Variants in ANK2 observed in about 807,000 individuals in gnomAD.
ANK2 encodes ankyrin-2.
In ANK2, 83 loss-of-function variants were observed where a neutral mutation model predicts 360.5. That is an observed-to-expected ratio of 0.23 (90% CI 0.19 to 0.28). ANK2 has a LOEUF of 0.28. ANK2 is among the 10% of genes least tolerant of loss of function. The pLI, the probability that ANK2 is intolerant of heterozygous loss-of-function variation, is 1.00. For missense variants in ANK2, 4,201 were observed against 4,795.7 expected (o/e 0.88, Z 3.66); for synonymous variants, 1,740 against 1,759.5 (o/e 0.99, Z 0.28).
chr4:113,159,191 C>CCACACACACA (rs57967546), intron 1 of ANK2, among the ~76,000 whole-genome samples: 2,838 of 141,972 alleles, frequency 0.02, 57 homozygotes, highest in Middle Eastern at 0.036. Context: ...CTCTTTCCTT[C>CCACACACACA]CACACACACA....
intron 2 of ANK2, among the ~76,000 whole-genome samples, chr4:112,956,855 G>A (rs968807047): frequency 1.3e-5 from 2 of 152,124 alleles, no homozygotes; most frequent in Admixed American, 1.3e-4. Flanking sequence ...AGAGAATGAA[G>A]TGGGTAAAGA....
chr4:113,328,895 T>G (rs540498910), intron 26 of ANK2, among the ~76,000 whole-genome samples: 32 of 152,374 alleles, frequency 2.1e-4, no homozygotes, highest in African/African-American at 7.5e-4. Context: ...CATAAATGTT[T>G]TGTGTTTATA....
At position 112,985,774 on chromosome 4, in the gene ANK2, G is replaced by A. The variant is rs567022648; in HGVS notation, c.21+81260G>A. 2.6e-5 allele frequency among the ~76,000 whole-genome samples: 4 copies of A among 152,164 alleles called. 1 individual carries two copies. Among genetic ancestry groups the A allele is most frequent in the Admixed American group, 2.6e-4 (4 of 15,284 alleles). ...GGCAGGATGTGGGACTGAAGATTCA[G>A]GGACAGTAGGCATTGATTAAAAATA... On this transcript the variant is annotated intron_variant, in intron 2 of 30. Transcript: ENST00000503271.
At chr4:112,819,790 G>T (rs2056468497) in intron 1 of ANK2, among the ~76,000 whole-genome samples, 1 of 152,190 alleles carries the variant, frequency 6.6e-6, no homozygotes, top group African/African-American at 2.4e-5. Context: ...ATTGTTGAGT[G>T]AAGCTATATT....
chr4:112,777,853 G>T, the ANK2 span, among the ~76,000 whole-genome samples: 1 of 139,776 alleles, frequency 7.2e-6, no homozygotes, highest in Non-Finnish European at 1.6e-5. Context: ...TCTGACCTCA[G>T]GTGATCCGCC....
intron 2 of ANK2, among the ~76,000 whole-genome samples, chr4:113,195,517 A>G (rs749019254): frequency 2.6e-4 from 40 of 152,280 alleles, no homozygotes; most frequent in Middle Eastern, 3.4e-3. Context: ...TCTATATGAT[A>G]TGTGTAAAAC....
At chr4:113,100,652 T>G (rs531098365) in intron 1 of ANK2, among the ~76,000 whole-genome samples, 1 of 152,088 alleles carries the variant, frequency 6.6e-6, no homozygotes, top group Non-Finnish European at 1.5e-5. Context: ...AATGAAAACT[T>G]AGGTGCACAC....
chr4:113,141,738 C>T (rs189455098), intron 1 of ANK2, among the ~76,000 whole-genome samples: 1 of 152,198 alleles, frequency 6.6e-6, no homozygotes, highest in Non-Finnish European at 1.5e-5. Context: ...ATCATGATTT[C>T]TTATTTAAAA....
In ANK2 at chr4:113,353,175, C is replaced by T. The variant is rs2095525479; in HGVS notation, c.4557C>T (p.Ala1519=). 1 of 1,614,068 alleles carries T rather than the reference C, an allele frequency of 6.2e-7. No individual in the cohort carries two copies. Among genetic ancestry groups the T allele is most frequent in the Non-Finnish European group, 8.5e-7 (1 of 1,179,972 alleles). ...EMKQDLIKMT[A]ILTTDVSDKA... ...AACAAGATTTGATCAAAATGACCGC[C>T]ATCTTGACCACAGATGTGTCTGATA... is the stretch of plus-strand genomic sequence containing the variant. The change falls in exon 38 of 46, where the codon GCC becomes GCT. Residue 1519 remains alanine (A), a synonymous_variant. Coordinates refer to ENST00000357077, the MANE Select transcript of ANK2 (RefSeq NM_001148.6).
chr4:113,238,498 C>T (rs199575991), intron 7 of ANK2, among the ~76,000 whole-genome samples: 14 of 152,132 alleles, frequency 9.2e-5, no homozygotes, highest in Non-Finnish European at 1.6e-4. Context: ...TTGCATGGAA[C>T]CTAGGTCAGA....
chr4:113,378,938 A>G (rs1426755860), intron 45 of ANK2, among the ~76,000 whole-genome samples: 1 of 152,098 alleles, frequency 6.6e-6, no homozygotes, highest in Non-Finnish European at 1.5e-5. Context: ...AAAAGACACA[A>G]TGGAAATCCA....
intron 1 of ANK2, among the ~76,000 whole-genome samples, chr4:113,137,130 G>A (rs1469347417): frequency 6.6e-6 from 1 of 152,110 alleles, no homozygotes; most frequent in Non-Finnish European, 1.5e-5. Flanking sequence ...CACTGCGCCC[G>A]ACCTAGATTT....
At chr4:113,094,408 C>T (rs1458944249) in intron 1 of ANK2, among the ~76,000 whole-genome samples, 2 of 152,096 alleles carry the variant, frequency 1.3e-5, no homozygotes, top group Non-Finnish European at 2.9e-5. Context: ...TTCTTAAATA[C>T]AAATTTTGAT....
chr4:112,728,200 GGAGT>G, the ANK2 span, among the ~76,000 whole-genome samples: 1 of 145,244 alleles, frequency 6.9e-6, no homozygotes, highest in East Asian at 2.1e-4. Context: ...GGCTGAGGCA[GGAGT>G]ATCGCTTGAA....
At chr4:112,892,316 T>C (rs2080282149) in intron 1 of ANK2, among the ~76,000 whole-genome samples, 1 of 152,230 alleles carries the variant, frequency 6.6e-6, no homozygotes, top group South Asian at 2.1e-4. Context: ...GGAATTAGAC[T>C]AACTTTATTA....
chr4:112,906,331 G>A (rs745955574), intron 2 of ANK2, among the ~76,000 whole-genome samples: 3 of 152,192 alleles, frequency 2.0e-5, no homozygotes. Flanking sequence ...AAACCAGACC[G>A]GATTAGTTTG....
intron 1 of ANK2, among the ~76,000 whole-genome samples, chr4:113,169,487 T>G (rs952906658): frequency 6.6e-6 from 1 of 152,188 alleles, no homozygotes; most frequent in Non-Finnish European, 1.5e-5. Flanking sequence ...GAATGACTGC[T>G]TCCTAAGAAA....
At chr4:112,805,315 A>G in the ANK2 span, among the ~76,000 whole-genome samples, 1 of 152,166 alleles carries the variant, frequency 6.6e-6, no homozygotes, top group Non-Finnish European at 1.5e-5. Context: ...AGCTTCATAC[A>G]TTTTTATGAA....
intron 4 of ANK2, among the ~76,000 whole-genome samples, chr4:113,211,458 T>A (rs553092275): frequency 4.6e-5 from 7 of 152,314 alleles, no homozygotes; most frequent in Non-Finnish European, 8.8e-5. Context: ...AAGTTTTTTT[T>A]AGAAAGATCT....
Sources: gnomAD v4.1 joint callset for allele counts (sites outside exome capture counted in the v4.1 genomes callset) on GRCh38, gnomAD v4.1.1 for gene constraint, MANE v1.5 for transcripts, NCBI Gene and HGNC (gene_info 2026-07-23, HGNC 2026-07-21) for gene names.